Variants in MALRD1 observed in about 807,000 individuals in gnomAD.
The protein encoded by MALRD1 is MAM and LDL-receptor class A domain-containing protein 1.
Under a neutral mutation model 242.1 loss-of-function variants are expected in MALRD1, and 247 were observed. The observed-to-expected ratio is 1.02, with a 90% CI of 0.92 to 1.13. The LOEUF is 1.13. Among genes scored for constraint, MALRD1 ranks in the 50% most tolerant of loss-of-function variants. The pLI, the probability that MALRD1 is intolerant of heterozygous loss-of-function variation, is 0.00. For missense variants in MALRD1, 2,989 were observed against 2,533.1 expected, an observed-to-expected ratio of 1.18 and a Z score of -3.86; for synonymous variants, 995 against 866.6, an observed-to-expected ratio of 1.15 and a Z score of -2.60.
chr10:19,506,785 A>T (rs1016328422), intron 31 of MALRD1, among the ~76,000 whole-genome samples: 2 of 152,190 alleles, frequency 1.3e-5, no homozygotes, highest in African/African-American at 2.4e-5. Flanking sequence ...ATTTGATACC[A>T]GGCTTGCTTT....
chr10:19,163,689 T>A (rs1301059209), intron 12 of MALRD1, among the ~76,000 whole-genome samples: 1 of 152,168 alleles, frequency 6.6e-6, no homozygotes, highest in African/African-American at 2.4e-5. Context: ...TTGAAAACAA[T>A]TGTGGGCTGT....
rs374576923 is a variant in MALRD1, at chr10:19,581,853, C to A, written c.5681-13341C>A. Among the ~76,000 whole-genome samples the A allele has an allele frequency of 1.2e-4, 18 of 152,046 alleles. No homozygotes were observed. The South Asian group carries it at 3.7e-3, about 32-fold the overall frequency. ...TCCCACCAACAGTGTAAAAGTGTTCCTATTTCTCCACATCCTCTCCAGCAC... is the reference window on the plus strand; with the variant it reads ...TCCCACCAACAGTGTAAAAGTGTTCATATTTCTCCACATCCTCTCCAGCAC... On this transcript the variant is annotated intron_variant, in intron 33 of 39. Coordinates refer to ENST00000454679, the MANE Select transcript of MALRD1 (RefSeq NM_001142308.3).
intron 18 of MALRD1, among the ~76,000 whole-genome samples, chr10:19,254,287 T>G (rs1195804336): frequency 1.3e-5 from 2 of 152,038 alleles, no homozygotes; most frequent in African/African-American, 4.8e-5. Context: ...CCTACATCAT[T>G]GTTCCTTTTT....
chr10:19,455,396 T>G (rs1835592389), intron 29 of MALRD1, among the ~76,000 whole-genome samples: 1 of 152,198 alleles, frequency 6.6e-6, no homozygotes, highest in Admixed American at 6.6e-5. Flanking sequence ...CTAAATAGTA[T>G]TTATGTCAGC....
At chr10:19,376,627 C>T (rs1317301840) in intron 26 of MALRD1, among the ~76,000 whole-genome samples, 1 of 136,190 alleles carries the variant, frequency 7.3e-6, no homozygotes, top group Non-Finnish European at 1.5e-5. Flanking sequence ...ATGATCTTGG[C>T]TCACTGCAAC....
At chr10:19,675,571 A>T (rs1176084511) in intron 36 of MALRD1, among the ~76,000 whole-genome samples, 3 of 152,248 alleles carry the variant, frequency 2.0e-5, no homozygotes, top group Non-Finnish European at 4.4e-5. Flanking sequence ...AAGAATAAAT[A>T]ATCTGTGTTT....
At chr10:19,657,174 C>T (rs905598571) in intron 36 of MALRD1, among the ~76,000 whole-genome samples, 8 of 152,120 alleles carry the variant, frequency 5.3e-5, no homozygotes, top group Admixed American at 1.3e-4. Flanking sequence ...CGACCCTTCG[C>T]CCACTCCCTA....
At chr10:19,076,693 A>T (rs373738422) in intron 2 of MALRD1, among the ~76,000 whole-genome samples, 34 of 152,112 alleles carry the variant, frequency 2.2e-4, no homozygotes, top group African/African-American at 7.9e-4. Flanking sequence ...GCAGCCTTGT[A>T]CTGTAGTTTG....
At position 19,695,917 on chromosome 10, in the gene MALRD1, A is replaced by G. The variant is rs538708050; in HGVS notation, c.6314+3363A>G. Among the ~76,000 whole-genome samples the G allele has an allele frequency of 5.3e-5, 8 of 152,264 alleles. No homozygotes were observed. In the East Asian group the frequency reaches 5.8e-4, roughly 11 times the overall value. On this transcript the variant is annotated intron_variant, in intron 38 of 39. Transcript: ENST00000454679. ...TTGGATCTTGTGAGACGTAATCACT[A>G]TCATAAGAACAGCATGGGAAAAACT...
intron 4 of MALRD1, among the ~76,000 whole-genome samples, chr10:19,095,977 C>G (rs1836015668): frequency 2.0e-5 from 3 of 152,140 alleles, no homozygotes. Flanking sequence ...ATCTATGGGT[C>G]CACTCCATCA....
At chr10:19,455,568 A>G (rs1246899173) in intron 29 of MALRD1, among the ~76,000 whole-genome samples, 1 of 152,150 alleles carries the variant, frequency 6.6e-6, no homozygotes, top group Non-Finnish European at 1.5e-5. Context: ...TAAAGTTCTT[A>G]TGAGGATTAA....
intron 36 of MALRD1, among the ~76,000 whole-genome samples, chr10:19,652,864 A>G (rs563373758): frequency 6.6e-6 from 1 of 152,204 alleles, no homozygotes; most frequent in Non-Finnish European, 1.5e-5. Context: ...AACCAAAGAC[A>G]GTCTGACAAA....
chr10:19,306,409 G>A (rs538087217), intron 21 of MALRD1, among the ~76,000 whole-genome samples: 82 of 95,666 alleles, frequency 8.6e-4, no homozygotes, highest in South Asian at 1.5e-3. Flanking sequence ...TATATGTACC[G>A]TGTATAGTAT....
At chr10:19,240,399 TCA>T (rs1431180808) in intron 18 of MALRD1, among the ~76,000 whole-genome samples, 2 of 152,050 alleles carry the variant, frequency 1.3e-5, no homozygotes, top group African/African-American at 4.8e-5. Context: ...TTTAGGGTTC[TCA>T]CTCTATATAA....
intron 21 of MALRD1, among the ~76,000 whole-genome samples, chr10:19,312,408 ATGTG>A (rs774610118): frequency 2.9e-4 from 42 of 144,032 alleles, no homozygotes; most frequent in African/African-American, 7.1e-4. Context: ...ATATGTGTAT[ATGTG>A]TGTGTGTGTG....
In MALRD1 at chr10:19,567,636, G is replaced by A; in HGVS notation, c.5613G>A (p.Leu1871=). The A allele has an allele frequency of 1.3e-6, 2 of 1,550,654 alleles. No homozygotes were observed. Among genetic ancestry groups the A allele is most frequent in the East Asian group, 4.9e-5 (2 of 40,902 alleles). ...SPFKVAFEAD[L]DGNEDIFIAL... is the part of the protein sequence containing the mutation. ...TTAAGGTGGCATTTGAAGCTGATTTGGATGGAAATGAGGACATCTTTATTG... is the reference window on the plus strand; with the variant it reads ...TTAAGGTGGCATTTGAAGCTGATTTAGATGGAAATGAGGACATCTTTATTG... Residue 1871 remains leucine (L), a synonymous_variant, in exon 33 of 40, where the codon TTG becomes TTA. Transcript: ENST00000454679.
intron 32 of MALRD1, among the ~76,000 whole-genome samples, chr10:19,562,315 A>AGATG (rs941327425): frequency 2.2e-5 from 3 of 138,378 alleles, no homozygotes; most frequent in African/African-American, 3.4e-5. Flanking sequence ...ATAGATAGAT[A>AGATG]GATAGATAGA....
intron 32 of MALRD1, among the ~76,000 whole-genome samples, chr10:19,533,038 A>G (rs575888221): frequency 1.4e-4 from 22 of 152,266 alleles, no homozygotes; most frequent in Non-Finnish European, 3.1e-4. Flanking sequence ...ACAGTTCCTC[A>G]TCAAAGCAAG....
intron 28 of MALRD1, among the ~76,000 whole-genome samples, chr10:19,405,321 C>G (rs1053223840): frequency 2.0e-5 from 3 of 152,102 alleles, no homozygotes; most frequent in Non-Finnish European, 4.4e-5. Context: ...TCCCACCATT[C>G]TCTTGTATTT....
Sources: gnomAD v4.1 joint callset for allele counts (sites outside exome capture counted in the v4.1 genomes callset) on GRCh38, gnomAD v4.1.1 for gene constraint, MANE v1.5 for transcripts, NCBI Gene and HGNC (gene_info 2026-07-23, HGNC 2026-07-21) for gene names.